Variants in AQR observed in about 807,000 individuals in gnomAD.
The protein encoded by AQR is aquarius intron-binding spliceosomal factor, also known as RNA helicase aquarius.
AQR carries 61 observed loss-of-function variants against 180.5 expected under a neutral mutation model. That is an observed-to-expected ratio of 0.34 (90% CI 0.28 to 0.42). The LOEUF (loss-of-function observed/expected upper bound fraction) is 0.42. Ranked by LOEUF, AQR falls within the 10% of genes least tolerant of loss-of-function variation. The probability of loss-of-function intolerance (pLI) is 1.00; values close to 1 mark genes in which losing one functional copy is unlikely to be tolerated. For synonymous variants in AQR, 551 were observed against 588.8 expected, an observed-to-expected ratio of 0.94 and a Z score of 0.93; for missense variants, 1,281 against 1,798.3, an observed-to-expected ratio of 0.71 and a Z score of 5.20.
chr15:34,899,166 C>T (rs1255323663), intron 20 of AQR, among the ~76,000 whole-genome samples: 2 of 151,456 alleles, frequency 1.3e-5, no homozygotes, highest in Admixed American at 1.3e-4. Flanking sequence ...AGCAAGACTC[C>T]ATCTCAAAAA....
At chr15:34,872,749 T>C (rs79056925) in intron 30 of AQR, among the ~76,000 whole-genome samples, 175 of 152,250 alleles carry the variant, frequency 1.1e-3, no homozygotes, top group Admixed American at 1.8e-3. Context: ...CATCTATGCA[T>C]ACACATTTAA....
intron 33 of AQR, among the ~76,000 whole-genome samples, chr15:34,860,697 T>A (rs1005849069): frequency 4.6e-5 from 7 of 152,236 alleles, no homozygotes; most frequent in Non-Finnish European, 1.0e-4. Flanking sequence ...TTTGTCCTAC[T>A]TATATTTTTC....
At position 34,932,357 on chromosome 15, in the gene AQR, A is replaced by T; in HGVS notation, c.861T>A (p.Asn287Lys). The change falls in exon 11 of 35, where the codon AAT becomes AAA. Residue 287 changes from asparagine (N) to lysine (K), a missense_variant. Transcript: ENST00000156471. Reference protein sequence around the residue: ...SHLLVHCYLSNLVRREEDGHL... With the variant: ...SHLLVHCYLSKLVRREEDGHL... ...GGCCATCCTCTTCTCTACGAACAAG[A>T]TTGGAAAGGTAACAGTGAACCAGAA... 2 of 1,614,010 alleles carry T rather than the reference A, an allele frequency of 1.2e-6. No homozygotes were observed. Among genetic ancestry groups the T allele is most frequent in the African/African-American group, 1.3e-5 (1 of 75,050 alleles).
chr15:34,924,308 C>T (rs1893724330), intron 13 of AQR, among the ~76,000 whole-genome samples: 1 of 152,060 alleles, frequency 6.6e-6, no homozygotes, highest in African/African-American at 2.4e-5. Flanking sequence ...AATCTGTCTT[C>T]AATTAAATCA....
At chr15:34,949,336 C>A (rs1894180238) in intron 4 of AQR, among the ~76,000 whole-genome samples, 1 of 150,906 alleles carries the variant, frequency 6.6e-6, no homozygotes, top group South Asian at 2.1e-4. Flanking sequence ...GTTGGCCAGG[C>A]ACAGTGGCTC....
intron 20 of AQR, 50 bp downstream of exon 20, chr15:34,900,572 T>G (rs1893316418): frequency 1.3e-6 from 2 of 1,577,844 alleles, no homozygotes; most frequent in Non-Finnish European, 1.7e-6. Flanking sequence ...TGGCATAACG[T>G]ACATTGACTA....
chr15:34,949,646 T>C (rs1894186569), intron 4 of AQR, among the ~76,000 whole-genome samples: 1 of 143,340 alleles, frequency 7.0e-6, no homozygotes, highest in East Asian at 2.1e-4. Context: ...CAAAAATACC[T>C]GACAAACATC....
Position 34,893,702 on chromosome 15 carries a change from G to A in AQR, c.2532C>T (p.Phe844=). The A allele has an allele frequency of 6.2e-7, 1 of 1,613,568 alleles. No homozygotes were observed. The highest frequency in any genetic ancestry group is 8.5e-7 in the Non-Finnish European group (1 of 1,179,922). ...VQIISNIYHN[F]PEQRTLIVTH... ...TAACAATTAGAGTCCTCTGTTCTGG[G>A]AAGTTGTGGTAGATGTTGGATATGA... Residue 844 remains phenylalanine (F), a synonymous_variant, in exon 23 of 35, where the codon TTC becomes TTT. Coordinates refer to ENST00000156471, the MANE Select transcript of AQR (RefSeq NM_014691.3).
At chr15:34,897,294 G>GT (rs1206775974) in intron 21 of AQR, among the ~76,000 whole-genome samples, 3 of 152,146 alleles carry the variant, frequency 2.0e-5, no homozygotes, top group African/African-American at 4.8e-5. Context: ...GGCTCATGAA[G>GT]TAAGAACCCT....
At chr15:34,890,051 A>C (rs1479829887) in intron 24 of AQR, among the ~76,000 whole-genome samples, 164 bp downstream of exon 24, 1 of 152,236 alleles carries the variant, frequency 6.6e-6, no homozygotes, top group African/African-American at 2.4e-5. Context: ...GAACTGAGGG[A>C]CATCATGACC....
intron 4 of AQR, among the ~76,000 whole-genome samples, chr15:34,951,916 A>C (rs1894240004): frequency 6.6e-6 from 1 of 152,210 alleles, no homozygotes; most frequent in South Asian, 2.1e-4. Context: ...CTACAAAATA[A>C]GGAAGATCTT....
In AQR at chr15:34,927,055, G is replaced by A; in HGVS notation, c.1098C>T (p.Val366=). 2 of 1,587,796 alleles carry A rather than the reference G, an allele frequency of 1.3e-6. No homozygotes were observed. Among genetic ancestry groups the A allele is most frequent in the Non-Finnish European group, 8.6e-7 (1 of 1,167,324 alleles). ...VAEVDTRESL[V]KFFGPLSSNT... is the part of the protein sequence containing the mutation. The stretch of plus-strand genomic sequence containing the variant: ...CTTACCTAAGAGGTCCAAAAAACTT[G>A]ACCAAGGACTCCCGAGTATCTACTT... The change falls in exon 13 of 35, where the codon GTC becomes GTT. Residue 366 remains valine (V), a synonymous_variant. Transcript: ENST00000156471.
At chr15:34,870,995 T>C in intron 30 of AQR, 73 bp from the exon 31 acceptor site, 1 of 1,473,062 alleles carries the variant, frequency 6.8e-7, no homozygotes, top group South Asian at 1.3e-5. Context: ...ATATCTCATC[T>C]AGATAAGCAA....
intron 33 of AQR, among the ~76,000 whole-genome samples, chr15:34,861,106 G>C (rs1422527352): frequency 6.6e-6 from 1 of 152,000 alleles, no homozygotes; most frequent in Non-Finnish European, 1.5e-5. Context: ...AAATCATTAA[G>C]GTAAAAAACA....
intron 8 of AQR, among the ~76,000 whole-genome samples, chr15:34,940,020 A>C (rs1361525266): frequency 1.3e-5 from 2 of 152,242 alleles, no homozygotes; most frequent in Non-Finnish European, 2.9e-5. Context: ...TGTTTCAAAA[A>C]AAAATCACAG....
chr15:34,935,541 A>G (rs1308236466), intron 9 of AQR, among the ~76,000 whole-genome samples: 2 of 152,240 alleles, frequency 1.3e-5, no homozygotes, highest in Non-Finnish European at 2.9e-5. Flanking sequence ...CGGAAAGCTT[A>G]ATGTAAAGCA....
In AQR at chr15:34,969,707, C is replaced by G; in HGVS notation, c.-94G>C. ...CTTCCCTTAAGTTACTGCCGGGGCG[C>G]TTAACTCCGCGCCGCACAAACGCTC... On this transcript the variant is annotated 5_prime_UTR_variant, in exon 1 of 35. Transcript: ENST00000156471. 2 of 1,284,196 alleles carry G rather than the reference C, an allele frequency of 1.6e-6. No individual in the cohort carries two copies. Among genetic ancestry groups the G allele is most frequent in the East Asian group, 5.0e-5 (2 of 40,226 alleles). 79.6% of individuals were successfully genotyped at this position (1,284,196 alleles called of 1,614,324 possible).
chr15:34,912,622 A>G (rs1339675032), intron 16 of AQR, among the ~76,000 whole-genome samples: 2 of 152,068 alleles, frequency 1.3e-5, no homozygotes, highest in Non-Finnish European at 2.9e-5. Flanking sequence ...ATCATTTAAA[A>G]GATGTTGCTA....
intron 3 of AQR, among the ~76,000 whole-genome samples, chr15:34,953,898 T>C (rs1467646258): frequency 1.3e-5 from 2 of 152,208 alleles, no homozygotes; most frequent in African/African-American, 2.4e-5. Context: ...TGACAATGTC[T>C]TTTAAACATT....
Sources: allele counts gnomAD v4.1 joint callset (sites outside exome capture counted in the v4.1 genomes callset), GRCh38; gene constraint gnomAD v4.1.1; transcripts MANE v1.5; gene names NCBI Gene and HGNC (gene_info 2026-07-23, HGNC 2026-07-21).